ZNF737: variants seen among roughly 807,000 people sequenced by gnomAD.
The protein encoded by ZNF737 is zinc finger protein 737, also known as zinc finger protein 102 (Y3).
A neutral mutation model predicts 11.7 loss-of-function variants in ZNF737; 13 were observed. The ratio of observed to expected loss-of-function variants is 1.11; its 90% confidence interval spans 0.73 to 1.77. The LOEUF (loss-of-function observed/expected upper bound fraction) is 1.77, where lower values mean the gene tolerates loss of function less well. Ranked by LOEUF, ZNF737 falls within the 40% of genes most tolerant of loss-of-function variation. The pLI, the probability that ZNF737 is intolerant of heterozygous loss-of-function variation, is 0.00. For missense variants in ZNF737, 636 were observed against 638.0 expected, an observed-to-expected ratio of 1.00 and a Z score of 0.03; for synonymous variants, 217 against 216.2, an observed-to-expected ratio of 1.00 and a Z score of -0.03.
Position 20,552,547 on chromosome 19 carries a change from G to C in ZNF737, c.154C>G (p.Leu52Val), listed in dbSNP as rs368041422. ...FLGIVVSKPD[L>V]ITCLEQGKKP... Reference sequence around the variant, plus strand: ...TTTCCTTGCTCCAGACAGGTGATGAGGTCTGGCTTAGAGACAACAATACCT... The same window carrying C: ...TTTCCTTGCTCCAGACAGGTGATGACGTCTGGCTTAGAGACAACAATACCT... The change falls in exon 3 of 4, where the codon CTC becomes GTC. Residue 52 changes from leucine (L) to valine (V), a missense_variant. Leu to Val is a conservative substitution (Grantham distance 32). Transcript: ENST00000427401. 1,516 of 1,587,498 alleles carry C rather than the reference G, an allele frequency of 9.5e-4. 5 individuals carry two copies. Among genetic ancestry groups the C allele is most frequent in the Middle Eastern group, 7.0e-3 (42 of 5,958 alleles).
chr19:20,533,299 G>C (rs1967873736), downstream of ZNF737, among the ~76,000 whole-genome samples: 2 of 149,828 alleles, frequency 1.3e-5, 1 homozygote, highest in Admixed American at 1.3e-4. Context: ...TTTTATACAT[G>C]TATGAAAGGT....
rs1555755444 is a variant in ZNF737, at chr19:20,542,927, T to A, written c.*1665A>T. ...AAAATTTTATTCAAGGAAACAAGTA[T>A]ACTTTCAACGTAATTACAATGCTTC... On this transcript the variant is annotated 3_prime_UTR_variant, in exon 4 of 4. Coordinates refer to ENST00000427401, the MANE Select transcript of ZNF737 (RefSeq NM_001159293.2). 1.0e-6 allele frequency: 1 copy of A among 985,080 alleles called. No individual in the cohort carries two copies. The highest frequency in any genetic ancestry group is 1.2e-6 in the Non-Finnish European group (1 of 829,720). 61.0% of individuals were successfully genotyped at this position (985,080 alleles called of 1,614,324 possible).
chr19:20,533,694 G>A (rs1387943287), downstream of ZNF737, among the ~76,000 whole-genome samples: 1 of 150,058 alleles, frequency 6.7e-6, no homozygotes, highest in African/African-American at 2.5e-5. Context: ...TACTGTCCAG[G>A]TGAGCAAATA....
chr19:20,558,789 C>G (rs541734621), intron 1 of ZNF737, among the ~76,000 whole-genome samples: 1 of 152,204 alleles, frequency 6.6e-6, no homozygotes, highest in South Asian at 2.1e-4. Flanking sequence ...AGGGAATTTC[C>G]AGTGACCCTG....
At chr19:20,561,347 G>T (rs1414728630) in intron 1 of ZNF737, among the ~76,000 whole-genome samples, 1 of 152,184 alleles carries the variant, frequency 6.6e-6, no homozygotes, top group South Asian at 2.1e-4. Context: ...TGAAGGTCCT[G>T]AGGGTGGTGC....
At chr19:20,531,558 C>T (rs1403075156), downstream of ZNF737, among the ~76,000 whole-genome samples, 35 of 149,422 alleles carry the variant, frequency 2.3e-4, 2 homozygotes, top group African/African-American at 8.4e-4. Context: ...CCAGGTTCAA[C>T]AATTATCCTG....
intron 1 of ZNF737, among the ~76,000 whole-genome samples, chr19:20,560,310 T>C (rs1464620190): frequency 5.9e-5 from 9 of 151,876 alleles, no homozygotes; most frequent in Non-Finnish European, 1.2e-4. Flanking sequence ...TATCATGCCA[T>C]GGCACTCTAG....
In ZNF737 at chr19:20,538,537, C is replaced by A. The variant is rs1200433531; in HGVS notation, c.*6055G>T. The A allele has an allele frequency of 2.0e-6, 1 of 497,412 alleles. No individual in the cohort carries two copies. The highest frequency in any genetic ancestry group is 2.1e-5 in the African/African-American group (1 of 47,724). 30.8% of individuals were successfully genotyped at this position (497,412 alleles called of 1,614,324 possible). ...CTCTGTCTCCTCTGTTCAGTGTACT[C>A]GTGGCAAAACTGCTTTCTGCAAAAA... On this transcript the variant is annotated 3_prime_UTR_variant, in exon 4 of 4. Transcript: ENST00000427401.
chr19:20,560,800 A>G (rs1555762257), intron 1 of ZNF737, among the ~76,000 whole-genome samples: 1 of 152,186 alleles, frequency 6.6e-6, no homozygotes, highest in Non-Finnish European at 1.5e-5. Context: ...AGAAAGAAAG[A>G]AAAAGAAAAT....
chr19:20,544,585 C>T lies in ZNF737; in HGVS notation c.*7G>A, dbSNP rs781913866. On this transcript the variant is annotated 3_prime_UTR_variant, in exon 4 of 4. Coordinates refer to ENST00000427401, the MANE Select transcript of ZNF737 (RefSeq NM_001159293.2). ...GATAGCTTAAAGCTTTGCCACATTC[C>T]TCACATTTATAGTTTCTCTCCAGTA... 3.1e-6 allele frequency: 5 copies of T among 1,587,428 alleles called. No homozygotes were observed. The highest frequency in any genetic ancestry group is 1.4e-5 in the African/African-American group (1 of 73,778).
At position 20,543,620 on chromosome 19, in the gene ZNF737, T is replaced by G. The variant is rs560229939; in HGVS notation, c.*972A>C. ...AAAAGTTTTGCCACATTCTTCACAC[T>G]TGTAGGAGTTTTGCCAGTATGAATT... On this transcript the variant is annotated 3_prime_UTR_variant, in exon 4 of 4. Coordinates refer to ENST00000427401, the MANE Select transcript of ZNF737 (RefSeq NM_001159293.2). The G allele has an allele frequency of 1.1e-5, 11 of 985,426 alleles. No individual in the cohort carries two copies. Among genetic ancestry groups the G allele is most frequent in the Non-Finnish European group, 1.1e-5 (9 of 829,944 alleles). 61.0% of individuals were successfully genotyped at this position (985,426 alleles called of 1,614,324 possible). A position where few individuals can be genotyped will look rare whatever the true frequency, so the allele number is the denominator to read the frequency against.
At position 20,547,898 on chromosome 19, in the gene ZNF737, C is replaced by A. The variant is rs575415577; in HGVS notation, c.227-1922G>T. Among the ~76,000 whole-genome samples the A allele has an allele frequency of 3.3e-5, 5 of 152,186 alleles. No homozygotes were observed. In the South Asian group the frequency reaches 1.0e-3, roughly 32 times the overall value. On this transcript the variant is annotated intron_variant, in intron 3 of 3. Coordinates refer to ENST00000427401, the MANE Select transcript of ZNF737 (RefSeq NM_001159293.2). ...AGGTGCAGTGGCTCAAGCCTGTAAT[C>A]CTAGCAGTTTGGGAGGCTGAGGTGG...
the ZNF737 span, among the ~76,000 whole-genome samples, chr19:20,530,496 T>C: frequency 6.9e-6 from 1 of 145,310 alleles, no homozygotes; most frequent in African/African-American, 2.6e-5. Flanking sequence ...GTGGAGGGGC[T>C]CCTCACTTCT....
the ZNF737 span, among the ~76,000 whole-genome samples, chr19:20,530,745 T>G: frequency 2.2e-5 from 3 of 136,838 alleles, no homozygotes; most frequent in African/African-American, 5.6e-5. Context: ...CTTTCCAGAC[T>G]GGGCAGCCAG....
intron 1 of ZNF737, among the ~76,000 whole-genome samples, chr19:20,561,688 T>C (rs181811597): frequency 6.6e-6 from 1 of 151,196 alleles, no homozygotes; most frequent in Non-Finnish European, 1.5e-5. Context: ...TTGTCTAACA[T>C]TTGAATTCTG....
rs781955441 is a variant in ZNF737 at position 20,544,763 on chromosome 19, G to A, written c.1440C>T (p.Pro480=). The A allele has an allele frequency of 6.2e-7, 1 of 1,608,868 alleles. No homozygotes were observed. The highest frequency in any genetic ancestry group is 1.3e-5 in the African/African-American group (1 of 74,382). The change falls in exon 4 of 4, where the codon CCC becomes CCT. Residue 480 remains proline (P), a synonymous_variant. Transcript: ENST00000427401. The stretch of plus-strand genomic sequence containing the variant: ...CCTTGCCACATCGTTCACATTTGTA[G>A]GGTTTCTCTCCAGTATGAATTCTCT... ...AHKRIHTGEK[P]YKCERCGKAF... is the part of the protein sequence containing the mutation.
intron 3 of ZNF737, among the ~76,000 whole-genome samples, chr19:20,551,429 CAAAAA>C (rs59406979): frequency 2.9e-5 from 3 of 102,358 alleles, no homozygotes; most frequent in Non-Finnish European, 5.8e-5. Context: ...AACCCCATCT[CAAAAA>C]AAAAAAAAAA....
chr19:20,553,361 G>A (rs1318804734), intron 2 of ZNF737, among the ~76,000 whole-genome samples: 1 of 151,982 alleles, frequency 6.6e-6, no homozygotes, highest in Non-Finnish European at 1.5e-5. Flanking sequence ...TGGGTTCAAG[G>A]TATTCTCCTG....
At chr19:20,556,518 A>C (rs782508947) in intron 1 of ZNF737, among the ~76,000 whole-genome samples, 6 of 152,218 alleles carry the variant, frequency 3.9e-5, no homozygotes, top group Non-Finnish European at 8.8e-5. Flanking sequence ...GTGATTCTGC[A>C]GGTTTGAAAA....
Sources: allele counts gnomAD v4.1 joint callset (sites outside exome capture counted in the v4.1 genomes callset), GRCh38; gene constraint gnomAD v4.1.1; transcripts MANE v1.5; gene names NCBI Gene and HGNC (gene_info 2026-07-23, HGNC 2026-07-21).